CDKAL1: variants seen among roughly 807,000 people sequenced by gnomAD.
The protein encoded by CDKAL1 is CDKAL1 threonylcarbamoyladenosine tRNA methylthiotransferase, also known as threonylcarbamoyladenosine tRNA methylthiotransferase.
In CDKAL1, 32 loss-of-function variants were observed where a neutral mutation model predicts 68.2. The ratio of observed to expected loss-of-function variants is 0.47; its 90% CI spans 0.35 to 0.63. The LOEUF is 0.63. CDKAL1 is among the 30% of genes least tolerant of loss of function. CDKAL1 has a pLI of 0.00. For synonymous variants in CDKAL1, 234 were observed against 244.3 expected (o/e 0.96, Z 0.39); for missense variants, 606 against 696.7 (o/e 0.87, Z 1.47).
chr6:20,938,162 A>G (rs1463840180), intron 9 of CDKAL1, among the ~76,000 whole-genome samples: 1 of 152,058 alleles, frequency 6.6e-6, no homozygotes, highest in African/African-American at 2.4e-5. Context: ...TACTGTCATT[A>G]TTTATTCTGT....
intron 4 of CDKAL1, among the ~76,000 whole-genome samples, chr6:20,594,185 A>G (rs990542907): frequency 2.0e-5 from 3 of 152,138 alleles, no homozygotes; most frequent in African/African-American, 4.8e-5. Context: ...GTAGATGTCT[A>G]TTAGGTCTGC....
At chr6:20,778,451 TAAAATACTGGG>T (rs1775271321) in intron 7 of CDKAL1, among the ~76,000 whole-genome samples, 1 of 152,184 alleles carries the variant, frequency 6.6e-6, no homozygotes. Context: ...ATACTCTAAT[TAAAATACTGGG>T]AAAATACTGG....
At chr6:21,221,327 C>T (rs1295523598) in intron 15 of CDKAL1, among the ~76,000 whole-genome samples, 3 of 151,986 alleles carry the variant, frequency 2.0e-5, no homozygotes, top group Non-Finnish European at 4.4e-5. Flanking sequence ...CTCCTGGGCT[C>T]AAGTGATCCT....
At position 21,212,975 on chromosome 6, in the gene CDKAL1, A is replaced by G. The variant is rs1562121765; in HGVS notation, c.1548+11701A>G. Among the ~76,000 whole-genome samples, 4 of 152,210 alleles carry G rather than the reference A, an allele frequency of 2.6e-5. No individual in the cohort carries two copies. The South Asian group carries it at 8.3e-4, about 32-fold the overall frequency. On this transcript the variant is annotated intron_variant, in intron 15 of 15. Transcript: ENST00000274695. ...TGCCAACCCCTGAGAAGGAAATTCAAAAGGCAATAAAGGCAAAGAACCATC... is the reference window on the plus strand; with the variant it reads ...TGCCAACCCCTGAGAAGGAAATTCAGAAGGCAATAAAGGCAAAGAACCATC...
At chr6:20,644,834 A>T (rs557820012) in intron 4 of CDKAL1, among the ~76,000 whole-genome samples, 2 of 152,334 alleles carry the variant, frequency 1.3e-5, no homozygotes, top group East Asian at 3.9e-4. Flanking sequence ...CAAGTATAGT[A>T]CAGTCATGTG....
chr6:20,686,676 C>T (rs1455252318), intron 5 of CDKAL1, among the ~76,000 whole-genome samples: 3 of 152,134 alleles, frequency 2.0e-5, no homozygotes, highest in African/African-American at 7.2e-5. Flanking sequence ...ATTACCTTTC[C>T]CTCGTGCCAA....
chr6:20,565,027 A>G (rs938116122), intron 4 of CDKAL1, among the ~76,000 whole-genome samples: 1 of 152,156 alleles, frequency 6.6e-6, no homozygotes, highest in Non-Finnish European at 1.5e-5. Flanking sequence ...CTTCCCATAC[A>G]GTTAGACGGA....
chr6:20,743,575 GA>G (rs1302189799), intron 6 of CDKAL1, among the ~76,000 whole-genome samples: 2 of 152,160 alleles, frequency 1.3e-5, no homozygotes, highest in Non-Finnish European at 2.9e-5. Flanking sequence ...TTAGTAATCA[GA>G]ACAAGGCAGT....
intron 13 of CDKAL1, among the ~76,000 whole-genome samples, chr6:21,138,576 A>C (rs965866437): frequency 2.0e-5 from 3 of 152,198 alleles, no homozygotes; most frequent in Non-Finnish European, 4.4e-5. Context: ...TGAGAAATAC[A>C]ACTCTGAAAA....
chr6:20,868,641 A>C (rs1561844196), intron 9 of CDKAL1, among the ~76,000 whole-genome samples: 1 of 152,242 alleles, frequency 6.6e-6, no homozygotes, highest in Non-Finnish European at 1.5e-5. Context: ...TGCACCTGCC[A>C]GGGCTAGCGG....
chr6:21,203,023 A>C (rs1002108929), intron 15 of CDKAL1, among the ~76,000 whole-genome samples: 1 of 151,978 alleles, frequency 6.6e-6, no homozygotes, highest in African/African-American at 2.4e-5. Flanking sequence ...TTACATTAAG[A>C]GAAACAGTAA....
intron 5 of CDKAL1, among the ~76,000 whole-genome samples, chr6:20,705,050 A>G (rs1193502399): frequency 6.6e-6 from 1 of 152,250 alleles, no homozygotes. Flanking sequence ...GATAATTAAT[A>G]GTTGTAAATT....
intron 13 of CDKAL1, among the ~76,000 whole-genome samples, chr6:21,145,593 G>C (rs1039280869): frequency 9.2e-5 from 14 of 152,220 alleles, no homozygotes; most frequent in South Asian, 2.1e-4. Flanking sequence ...TTTGCAATCT[G>C]TGATGTTAGG....
At chr6:21,026,113 G>A (rs1226863192) in intron 11 of CDKAL1, among the ~76,000 whole-genome samples, 1 of 151,834 alleles carries the variant, frequency 6.6e-6, no homozygotes, top group African/African-American at 2.4e-5. Context: ...CAAGGAGTGT[G>A]GTTATTAGTT....
At chr6:20,775,231 A>G (rs1322691716) in intron 7 of CDKAL1, among the ~76,000 whole-genome samples, 1 of 152,036 alleles carries the variant, frequency 6.6e-6, no homozygotes, top group African/African-American at 2.4e-5. Flanking sequence ...TCATCTCCCC[A>G]TCTGTTCCTA....
At chr6:21,117,000 G>C (rs1435277936) in intron 13 of CDKAL1, among the ~76,000 whole-genome samples, 1 of 152,170 alleles carries the variant, frequency 6.6e-6, no homozygotes, top group Non-Finnish European at 1.5e-5. Context: ...TCTGTCACCA[G>C]TTGCCCTGGG....
At chr6:20,746,688 CTT>C (rs1479718954) in intron 6 of CDKAL1, among the ~76,000 whole-genome samples, 3 of 152,142 alleles carry the variant, frequency 2.0e-5, no homozygotes, top group Non-Finnish European at 4.4e-5. Flanking sequence ...ATGGAAAAGA[CTT>C]TATATGTATA....
At chr6:20,719,300 A>G (rs1195647669) in intron 5 of CDKAL1, among the ~76,000 whole-genome samples, 1 of 152,216 alleles carries the variant, frequency 6.6e-6, no homozygotes, top group Non-Finnish European at 1.5e-5. Flanking sequence ...AGGTTCTTTG[A>G]GTTGTGCTCT....
intron 9 of CDKAL1, among the ~76,000 whole-genome samples, chr6:20,895,989 CAT>C (rs559754903): frequency 2.0e-3 from 300 of 151,730 alleles, no homozygotes; most frequent in Non-Finnish European, 3.3e-3. Flanking sequence ...GTAAAACAAA[CAT>C]ATAAAAATAG....
Sources: gnomAD v4.1 joint callset for allele counts (sites outside exome capture counted in the v4.1 genomes callset) on GRCh38, gnomAD v4.1.1 for gene constraint, MANE v1.5 for transcripts, NCBI Gene and HGNC (gene_info 2026-07-23, HGNC 2026-07-21) for gene names.